CNTNAP3B: variants seen among roughly 807,000 people sequenced by gnomAD.
The protein encoded by CNTNAP3B is contactin-associated protein-like 3B.
CNTNAP3B carries 25 observed loss-of-function variants against 108.9 expected under a neutral mutation model. The observed-to-expected ratio is 0.23, with a 90% CI of 0.17 to 0.32. The LOEUF (loss-of-function observed/expected upper bound fraction) is 0.32. Among genes scored for constraint, CNTNAP3B ranks in the 10% least tolerant of loss-of-function variants. The pLI is 1.00. For synonymous variants in CNTNAP3B, 103 were observed against 473.4 expected (o/e 0.22, Z 10.16); for missense variants, 252 against 1,210.4 (o/e 0.21, Z 11.75).
intron 3 of CNTNAP3B, among the ~76,000 whole-genome samples, chr9:42,071,461 G>T (rs1418870610): frequency 7.4e-6 from 1 of 135,952 alleles, no homozygotes; most frequent in Non-Finnish European, 1.6e-5. Context: ...CCACAGATAA[G>T]CAGAGAATAC....
intron 3 of CNTNAP3B, among the ~76,000 whole-genome samples, chr9:42,070,647 T>G (rs948124935): frequency 6.6e-6 from 1 of 151,988 alleles, no homozygotes; most frequent in Non-Finnish European, 1.5e-5. Context: ...CTAACTGCAG[T>G]GTCTGCCATC....
intron 14 of CNTNAP3B, among the ~76,000 whole-genome samples, chr9:41,937,843 AAGAC>A (rs1238916910): frequency 6.6e-6 from 1 of 152,006 alleles, no homozygotes; most frequent in African/African-American, 2.4e-5. Context: ...TTCTAAAAGA[AAGAC>A]AGAATATGCA....
chr9:41,966,332 A>G (rs1350243417), intron 10 of CNTNAP3B, among the ~76,000 whole-genome samples: 1 of 152,310 alleles, frequency 6.6e-6, no homozygotes, highest in Non-Finnish European at 1.5e-5. Flanking sequence ...AAATATTTGG[A>G]AATAAGAACT....
Position 42,036,468 on chromosome 9 carries a change from T to C in CNTNAP3B, c.391-22943A>G, listed in dbSNP as rs1257720094. On this transcript the variant is annotated intron_variant, in intron 3 of 23. Coordinates refer to ENST00000377561, the MANE Select transcript of CNTNAP3B (RefSeq NM_001201380.3). ...TGGGTCTCACTAATACTTTTTAAGA[T>C]CGAACTGCAAGGCAGCAGCGAGACT... Among the ~76,000 whole-genome samples the C allele has an allele frequency of 1.0e-4, 14 of 139,012 alleles. 2 individuals are homozygous for C. Among genetic ancestry groups the C allele is most frequent in the Middle Eastern group, 6.9e-3 (2 of 288 alleles). 91.2% of individuals were successfully genotyped at this position (139,012 alleles called of 152,430 possible).
chr9:42,035,379 G>C (rs1240367668), intron 3 of CNTNAP3B, among the ~76,000 whole-genome samples: 2 of 146,470 alleles, frequency 1.4e-5, no homozygotes, highest in Non-Finnish European at 3.0e-5. Flanking sequence ...GAGTTGAGCA[G>C]CCTGTCAATG....
chr9:42,018,835 C>T (rs1258195122), intron 3 of CNTNAP3B, among the ~76,000 whole-genome samples: 1,975 of 151,064 alleles, frequency 0.013, 8 homozygotes, highest in African/African-American at 0.045. Flanking sequence ...GAGCCTTCCC[C>T]TCTGAACACT....
At chr9:41,927,950 C>A (rs113934438) in intron 15 of CNTNAP3B, among the ~76,000 whole-genome samples, 86,231 of 97,610 alleles carry the variant, frequency 0.88, 38,086 homozygotes, top group Non-Finnish European at 0.91. Context: ...AGAGAATCCA[C>A]CAAATGAAAC....
rs1828297414 is a variant in CNTNAP3B at position 42,115,594 on chromosome 9, G to A, written c.86-10855C>T. 1.5e-5 allele frequency among the ~76,000 whole-genome samples: 2 copies of A among 130,026 alleles called. 1 individual carries two copies. 85.3% of individuals were successfully genotyped at this position (130,026 alleles called of 152,430 possible). A position where few individuals can be genotyped will look rare whatever the true frequency, so the allele number is the denominator to read the frequency against. On this transcript the variant is annotated intron_variant, in intron 1 of 23. Coordinates refer to ENST00000377561, the MANE Select transcript of CNTNAP3B (RefSeq NM_001201380.3). The stretch of plus-strand genomic sequence containing the variant: ...TGCAGCCTCTGCTGGTGATACCCAG[G>A]CAAACAGGGTCTGGACTGGACCTCC...
At chr9:41,945,347 CAA>C (rs1364677788) in intron 13 of CNTNAP3B, among the ~76,000 whole-genome samples, 5 of 152,296 alleles carry the variant, frequency 3.3e-5, no homozygotes, top group African/African-American at 4.8e-5. Context: ...TTCACAATAG[CAA>C]AGACTTGGAA....
chr9:42,051,769 A>G (rs1407783304), intron 3 of CNTNAP3B, among the ~76,000 whole-genome samples: 3 of 151,574 alleles, frequency 2.0e-5, no homozygotes, highest in Non-Finnish European at 4.4e-5. Flanking sequence ...ATACCACCAG[A>G]GTAAATTTAC....
chr9:41,963,796 G>A (rs1247632597), intron 11 of CNTNAP3B, among the ~76,000 whole-genome samples: 6 of 152,284 alleles, frequency 3.9e-5, no homozygotes, highest in African/African-American at 1.4e-4. Flanking sequence ...CAAACTAGCT[G>A]GGGGCCAAGT....
chr9:41,935,497 TA>T (rs1824130418), intron 14 of CNTNAP3B, among the ~76,000 whole-genome samples: 1 of 152,298 alleles, frequency 6.6e-6, no homozygotes, highest in Admixed American at 6.5e-5. Context: ...GTCTACACCT[TA>T]ATCTAAATTA....
rs1318699539 is a variant in CNTNAP3B at position 42,029,274 on chromosome 9, G to A, written c.391-15749C>T. ...CCTGATGGAGTAATTAAACAAAAAAGTTCCCATTTTTAATATGTCAGTTTG... is the reference window on the plus strand; with the variant it reads ...CCTGATGGAGTAATTAAACAAAAAAATTCCCATTTTTAATATGTCAGTTTG... On this transcript the variant is annotated intron_variant, in intron 3 of 23. Transcript: ENST00000377561. Among the ~76,000 whole-genome samples, 4 of 117,556 alleles carry A rather than the reference G, an allele frequency of 3.4e-5. 2 individuals are homozygous for A. Among genetic ancestry groups the A allele is most frequent in the African/African-American group, 1.4e-4 (4 of 29,498 alleles). The allele number at this position is 117,556 out of a possible 152,430, so 77.1% of individuals were successfully genotyped here.
Position 41,979,808 on chromosome 9 carries a change from T to C in CNTNAP3B, c.1477+6360A>G, listed in dbSNP as rs952639207. On this transcript the variant is annotated intron_variant, in intron 9 of 23. Transcript: ENST00000377561. ...TTCACCATTTTAACCAGGCTCGTCT[T>C]CAACTCCTGATCTCAGGTGATCCGC... 15 of 118,906 alleles carry C rather than the reference T, an allele frequency of 1.3e-4. No homozygotes were observed. The East Asian group carries it at 3.8e-3, about 30-fold the overall frequency. 7.4% of individuals were successfully genotyped at this position (118,906 alleles called of 1,614,324 possible). A position where few individuals can be genotyped will look rare whatever the true frequency, so the allele number is the denominator to read the frequency against.
At chr9:42,117,545 T>C (rs1259289297) in intron 1 of CNTNAP3B, among the ~76,000 whole-genome samples, 1 of 141,112 alleles carries the variant, frequency 7.1e-6, no homozygotes, top group Non-Finnish European at 1.5e-5. Flanking sequence ...GGGAAATTTA[T>C]AGCACTAAAT....
intron 12 of CNTNAP3B, among the ~76,000 whole-genome samples, chr9:41,954,060 G>C (rs1824783319): frequency 6.6e-6 from 1 of 152,004 alleles, no homozygotes; most frequent in Admixed American, 6.6e-5. Flanking sequence ...AAGGGAAGAA[G>C]TGCATCTTGA....
At position 41,950,325 on chromosome 9, in the gene CNTNAP3B, A is replaced by G. The variant is rs1286211034; in HGVS notation, c.2080+2858T>C. Among the ~76,000 whole-genome samples, 4 of 123,516 alleles carry G rather than the reference A, an allele frequency of 3.2e-5. No individual in the cohort carries two copies. The Admixed American group carries it at 3.5e-4, about 11-fold the overall frequency. The allele number at this position is 123,516 out of a possible 152,430, so 81.0% of individuals were successfully genotyped here. On this transcript the variant is annotated intron_variant, in intron 13 of 23. Coordinates refer to ENST00000377561, the MANE Select transcript of CNTNAP3B (RefSeq NM_001201380.3). ...CAACCATTCTAGAAAACAATTTGGCAGCTTTTTATAAAACTAAGTATGCAA... is the reference window on the plus strand; with the variant it reads ...CAACCATTCTAGAAAACAATTTGGCGGCTTTTTATAAAACTAAGTATGCAA...
intron 3 of CNTNAP3B, among the ~76,000 whole-genome samples, chr9:42,056,326 T>TTTTTTA (rs1554753495): frequency 0.017 from 2,221 of 129,092 alleles, 130 homozygotes; most frequent in South Asian, 0.039. Context: ...TCTCATGAAT[T>TTTTTTA]TTATTATTAT....
intron 17 of CNTNAP3B, among the ~76,000 whole-genome samples, chr9:41,921,122 A>G (rs1201200832): frequency 2.0e-5 from 3 of 152,296 alleles, no homozygotes; most frequent in Non-Finnish European, 2.9e-5. Flanking sequence ...GGGGCCCCAA[A>G]TCTGAACTAT....
Sources: gnomAD v4.1 joint callset for allele counts (sites outside exome capture counted in the v4.1 genomes callset) on GRCh38, gnomAD v4.1.1 for gene constraint, MANE v1.5 for transcripts, NCBI Gene and HGNC (gene_info 2026-07-23, HGNC 2026-07-21) for gene names.